Variants in METRNL observed in about 807,000 individuals in gnomAD.
The protein encoded by METRNL is meteorin-like protein.
METRNL carries 9 observed loss-of-function variants against 17.4 expected under a neutral mutation model. The observed-to-expected ratio is 0.52, with a 90% CI of 0.31 to 0.90. The LOEUF (loss-of-function observed/expected upper bound fraction) is 0.90. Among genes scored for constraint, METRNL ranks in the 40% least tolerant of loss-of-function variants. The probability of loss-of-function intolerance (pLI) is 0.05; values close to 1 mark genes in which losing one functional copy is unlikely to be tolerated. For missense variants in METRNL, 408 were observed against 430.7 expected (o/e 0.95, Z 0.47); for synonymous variants, 215 against 199.3 (o/e 1.08, Z -0.66).
chr17:83,085,049 GC>G lies in METRNL; in HGVS notation c.285del (p.Asn96ThrfsTer9), dbSNP rs1422145110. On this transcript the variant is annotated frameshift_variant, in exon 2 of 4. Coordinates refer to ENST00000320095, the MANE Select transcript of METRNL (RefSeq NM_001004431.3). LOFTEE classifies it high-confidence loss of function. ...PTGALIVNLR[P>X]NTFSPARHLT... ...CAGGTGCTCTCATCGTTAACCTGCG[GC>G]CCAACACCTTCTCGCCTGCCCGGCA... 6.2e-7 allele frequency: 1 copy of G among 1,613,804 alleles called. No homozygotes were observed. Among genetic ancestry groups the G allele is most frequent in the Non-Finnish European group, 8.5e-7 (1 of 1,180,028 alleles).
Position 83,085,308 on chromosome 17 carries a change from C to A in METRNL, c.541C>A (p.Leu181Met). Residue 181 changes from leucine to methionine, a missense_variant, in exon 2 of 4, where the codon CTG (leucine) becomes ATG (methionine). Physicochemically the swap from Leu to Met is conservative, Grantham distance 15. Coordinates refer to ENST00000320095, the MANE Select transcript of METRNL (RefSeq NM_001004431.3). ...ELVRRHRASD[L>M]HELSAPCRPC... ...GGTTAGGAGGCACAGGGCGTCGGAC[C>A]TGCACGAGCTGTCTGGTGAGTGTCC... is the stretch of plus-strand genomic sequence containing the variant. 6.6e-7 allele frequency: 1 copy of A among 1,526,020 alleles called. No homozygotes were observed. Among genetic ancestry groups the A allele is most frequent in the South Asian group, 1.3e-5 (1 of 77,044 alleles). The allele number at this position is 1,526,020 out of a possible 1,614,324, so 94.5% of individuals were successfully genotyped here.
In METRNL at chr17:83,094,250, G is replaced by T. The variant is rs201172466; in HGVS notation, c.617-6G>T. 6.4e-7 allele frequency: 1 copy of T among 1,555,894 alleles called. No homozygotes were observed. The highest frequency in any genetic ancestry group is 1.4e-5 in the African/African-American group (1 of 74,012). ...ACTCCCTGTCCCCATCTCCTTCCCCGCACAGCCGTTCGAGGCTCCATCCAG... is the reference window on the plus strand; with the variant it reads ...ACTCCCTGTCCCCATCTCCTTCCCCTCACAGCCGTTCGAGGCTCCATCCAG... On this transcript the variant is annotated splice_region_variant and splice_polypyrimidine_tract_variant and intron_variant, in intron 3 of 3. Transcript: ENST00000320095.
chr17:83,084,191 A>C (rs1283568268), intron 1 of METRNL: 2 of 152,168 alleles, frequency 1.3e-5, no homozygotes, highest in African/African-American at 4.8e-5. Context: ...TATATTTACA[A>C]ATACCGTCGG....
chr17:83,092,190 G>C (rs1021234897), intron 2 of METRNL, among the ~76,000 whole-genome samples: 9 of 152,212 alleles, frequency 5.9e-5, no homozygotes, highest in African/African-American at 2.2e-4. Flanking sequence ...AAGCCATTTG[G>C]GGCATGCACC....
At chr17:83,093,313 GCCC>G (rs1486668841) in intron 3 of METRNL, 87 bp downstream of exon 3, 37 of 1,118,094 alleles carry the variant, frequency 3.3e-5, no homozygotes, top group Non-Finnish European at 4.4e-5. Context: ...CCTCTTCAGG[GCCC>G]AGGACAGCCT....
rs932503650 is a variant in METRNL, at chr17:83,080,041, T to A, written c.170+56T>A. On this transcript the variant is annotated intron_variant, in intron 1 of 3. Transcript: ENST00000320095. ...CCCCCTCCCCTCGCGTCCCCTCCCGTCCCGGGCCGGCCGAGCGTGCGGGGG... is the reference window on the plus strand; with the variant it reads ...CCCCCTCCCCTCGCGTCCCCTCCCGACCCGGGCCGGCCGAGCGTGCGGGGG... 2.7e-5 allele frequency: 25 copies of A among 916,984 alleles called. No individual in the cohort carries two copies. The African/African-American group carries it at 4.6e-4, about 17-fold the overall frequency. The allele number at this position is 916,984 out of a possible 1,614,324, so 56.8% of individuals were successfully genotyped here.
intron 1 of METRNL, among the ~76,000 whole-genome samples, chr17:83,080,577 C>G (rs1346924116): frequency 7.6e-6 from 1 of 132,014 alleles, no homozygotes; most frequent in Non-Finnish European, 1.7e-5. Flanking sequence ...CCCCCCCCCC[C>G]CCACCCGCGG....
At position 83,080,519 on chromosome 17, in the gene METRNL, G is replaced by T. The variant is rs1486139752; in HGVS notation, c.170+534G>T. On this transcript the variant is annotated intron_variant, in intron 1 of 3. Coordinates refer to ENST00000320095, the MANE Select transcript of METRNL (RefSeq NM_001004431.3). ...CGGCCGGGCCCCCCGCCCCTGCCCC[G>T]TGAAGGTCAGGCCGCCCTTGGCCGC... 1.5e-4 allele frequency among the ~76,000 whole-genome samples: 15 copies of T among 99,688 alleles called. 1 individual carries two copies. Among genetic ancestry groups the T allele is most frequent in the South Asian group, 3.7e-4 (1 of 2,718 alleles). The allele number at this position is 99,688 out of a possible 152,430, so 65.4% of individuals were successfully genotyped here. A position where few individuals can be genotyped will look rare whatever the true frequency, so the allele number is the denominator to read the frequency against.
At chr17:83,088,640 A>G (rs2038080085) in intron 2 of METRNL, among the ~76,000 whole-genome samples, 2 of 152,124 alleles carry the variant, frequency 1.3e-5, no homozygotes, top group South Asian at 4.2e-4. Context: ...GCTGATCATG[A>G]GCACGTGGTG....
At chr17:83,082,534 TGAAC>T (rs1175179577) in intron 1 of METRNL, among the ~76,000 whole-genome samples, 4 of 152,252 alleles carry the variant, frequency 2.6e-5, no homozygotes, top group Admixed American at 6.5e-5. Context: ...TTCCTAAAGT[TGAAC>T]GAACCACGGT....
intron 1 of METRNL, among the ~76,000 whole-genome samples, chr17:83,083,877 C>G (rs908358119): frequency 1.3e-5 from 2 of 152,360 alleles, no homozygotes; most frequent in East Asian, 3.9e-4. Context: ...TGTCTGAGAT[C>G]TGCGTAATAA....
Position 83,094,554 on chromosome 17 carries a change from T to C in METRNL, c.915T>C (p.Pro305=), listed in dbSNP as rs2038180280. ...ATGCCCAGGAGAGGGGGCTGAACCCTTGTGAGGTTGGCACGGACTGACTCC... is the reference window on the plus strand; with the variant it reads ...ATGCCCAGGAGAGGGGGCTGAACCCCTGTGAGGTTGGCACGGACTGACTCC... ...YRDAQERGLN[P]CEVGTD is the part of the protein sequence containing the mutation. Residue 305 remains proline (P), a synonymous_variant, in exon 4 of 4, where the codon CCT becomes CCC. Transcript: ENST00000320095. 6.7e-7 allele frequency: 1 copy of C among 1,495,312 alleles called. No individual in the cohort carries two copies. The highest frequency in any genetic ancestry group is 1.4e-5 in the African/African-American group (1 of 71,836). The allele number at this position is 1,495,312 out of a possible 1,614,324, so 92.6% of individuals were successfully genotyped here.
At chr17:83,090,836 G>A (rs998268724) in intron 2 of METRNL, among the ~76,000 whole-genome samples, 7 of 152,170 alleles carry the variant, frequency 4.6e-5, no homozygotes, top group Non-Finnish European at 1.0e-4. Context: ...ATCCCCCAGT[G>A]CTCCCTCCTT....
At chr17:83,090,955 G>A (rs547085830) in intron 2 of METRNL, among the ~76,000 whole-genome samples, 1 of 152,162 alleles carries the variant, frequency 6.6e-6, no homozygotes, top group South Asian at 2.1e-4. Context: ...TGGGATGGGG[G>A]TCCACATAGG....
rs1421769092 is a variant in METRNL at position 83,085,268 on chromosome 17, C to T, written c.501C>T (p.Gly167=). 1.3e-6 allele frequency: 2 copies of T among 1,560,708 alleles called. No homozygotes were observed. The highest frequency in any genetic ancestry group is 1.7e-6 in the Non-Finnish European group (2 of 1,151,928). The change falls in exon 2 of 4, where the codon GGC becomes GGT. Residue 167 remains glycine (G), a synonymous_variant. Transcript: ENST00000320095. ...AGGATATCGGCCGGAGGACCACAGG[C>T]TTCCAGTACGAGCTGGTTAGGAGGC... The part of the protein sequence containing the change: ...PQQDIGRRTT[G]FQYELVRRHR...
Position 83,094,711 on chromosome 17 carries a change from A to G in METRNL, c.*136A>G. The G allele has an allele frequency of 1.6e-6, 1 of 614,738 alleles. No individual in the cohort carries two copies. The highest frequency in any genetic ancestry group is 2.4e-6 in the Non-Finnish European group (1 of 421,282). The allele number at this position is 614,738 out of a possible 1,614,324, so 38.1% of individuals were successfully genotyped here. A position where few individuals can be genotyped will look rare whatever the true frequency, so the allele number is the denominator to read the frequency against. ...GGCCCAGGCCTGACCCTGGTACCGA[A>G]GCTGTGGACGTTCTCGCCACACTCA... On this transcript the variant is annotated 3_prime_UTR_variant, in exon 4 of 4. Transcript: ENST00000320095.
At chr17:83,085,759 C>G (rs977150472) in intron 2 of METRNL, among the ~76,000 whole-genome samples, 4 of 152,218 alleles carry the variant, frequency 2.6e-5, no homozygotes, top group African/African-American at 7.2e-5. Flanking sequence ...CGGACGCGCC[C>G]CCATGCTTGT....
At chr17:83,081,944 C>T (rs531434769) in intron 1 of METRNL, among the ~76,000 whole-genome samples, 14 of 152,322 alleles carry the variant, frequency 9.2e-5, no homozygotes, top group African/African-American at 3.1e-4. Context: ...GCTGTCCTGA[C>T]GAAGCACAGG....
At chr17:83,086,499 G>C (rs2038054269) in intron 2 of METRNL, among the ~76,000 whole-genome samples, 1 of 152,304 alleles carries the variant, frequency 6.6e-6, no homozygotes, top group East Asian at 1.9e-4. Context: ...GGAGACCTGG[G>C]GGAGGGGGTA....
Sources: allele counts gnomAD v4.1 joint callset (sites outside exome capture counted in the v4.1 genomes callset), GRCh38; gene constraint gnomAD v4.1.1; transcripts MANE v1.5; gene names NCBI Gene and HGNC (gene_info 2026-07-23, HGNC 2026-07-21).